Variants in DACT2 observed in about 807,000 individuals in gnomAD.
The protein encoded by DACT2 is dishevelled binding antagonist of beta catenin 2.
Under a neutral mutation model 22.2 loss-of-function variants are expected in DACT2, and 20 were observed. The observed-to-expected ratio is 0.90, with a 90% CI of 0.63 to 1.31. The LOEUF (loss-of-function observed/expected upper bound fraction) is 1.31, where lower values mean the gene tolerates loss of function less well. Ranked by LOEUF, DACT2 falls within the 50% of genes most tolerant of loss-of-function variation. The pLI, the probability that DACT2 is intolerant of heterozygous loss-of-function variation, is 0.00. For missense variants in DACT2, 1,048 were observed against 1,061.4 expected, an observed-to-expected ratio of 0.99 and a Z score of 0.18; for synonymous variants, 463 against 479.8, an observed-to-expected ratio of 0.96 and a Z score of 0.46.
At chr6:168,294,071 C>A in intron 5 of DACT2, 2 of 702,980 alleles carry the variant, frequency 2.8e-6, no homozygotes, top group Non-Finnish European at 5.2e-6. Context: ...TGAGCACAGA[C>A]CCGCGATGGC....
At chr6:168,294,217 A>G in intron 4 of DACT2, 1 of 702,942 alleles carries the variant, frequency 1.4e-6, no homozygotes. Context: ...AGAGAAGGCA[A>G]TGCCATCCTG....
chr6:168,307,066 G>T lies in DACT2; in HGVS notation c.*366C>A. The T allele has an allele frequency of 9.6e-7, 1 of 1,047,066 alleles. No homozygotes were observed. Among genetic ancestry groups the T allele is most frequent in the Non-Finnish European group, 1.2e-6 (1 of 869,020 alleles). The allele number at this position is 1,047,066 out of a possible 1,614,324, so 64.9% of individuals were successfully genotyped here. Reference sequence around the variant, plus strand: ...ATGCTTTTGGGGAGGAATGGTCAAAGGATTGGGAAACACTTCCCCAGCCAG... The same window carrying T: ...ATGCTTTTGGGGAGGAATGGTCAAATGATTGGGAAACACTTCCCCAGCCAG... On this transcript the variant is annotated 3_prime_UTR_variant, in exon 4 of 4. Coordinates refer to ENST00000366795, the MANE Select transcript of DACT2 (RefSeq NM_214462.5). The surrounding 1 kb of genome is among the most constrained non-coding windows in gnomAD (Gnocchi z 5.3).
chr6:168,311,597 TAC>T lies in DACT2; in HGVS notation c.247-315_247-314del, dbSNP rs764745810. On this transcript the variant is annotated intron_variant, in intron 1 of 3. Coordinates refer to ENST00000366795, the MANE Select transcript of DACT2 (RefSeq NM_214462.5). Reference sequence around the variant, plus strand: ...ACACACACCCATCCACACACACACATACACACACACTCACACAAACACACACA... The same window carrying T: ...ACACACACCCATCCACACACACACATACACACACTCACACAAACACACACA... Among the ~76,000 whole-genome samples, 45 of 100,556 alleles carry T rather than the reference TAC, an allele frequency of 4.5e-4. 2 individuals are homozygous for T. In the South Asian group the frequency reaches 8.9e-3, roughly 20 times the overall value. 66.0% of individuals were successfully genotyped at this position (100,556 alleles called of 152,430 possible).
intron 4 of DACT2, chr6:168,294,602 T>TATATATATATATATATATATACAC (rs768380927): frequency 1.2e-6 from 1 of 811,920 alleles, no homozygotes; most frequent in African/African-American, 2.6e-5. Flanking sequence ...TATATATATA[T>TATATATATATATATATATATACAC]ACACATATAA....
intron 3 of DACT2, among the ~76,000 whole-genome samples, chr6:168,309,412 C>CGTTTGCGTGTAGACACAGGGTGCGGGGCA: frequency 6.6e-6 from 1 of 151,428 alleles, no homozygotes; most frequent in African/African-American, 2.4e-5. Context: ...CGCACAGGGC[C>CGTTTGCGTGTAGACACAGGGTGCGGGGCA]GTTTGCGTGT....
In DACT2 at chr6:168,310,364, C is replaced by G; in HGVS notation, c.462G>C (p.Ser154=). The G allele has an allele frequency of 6.4e-7, 1 of 1,551,598 alleles. No individual in the cohort carries two copies. The highest frequency in any genetic ancestry group is 8.7e-7 in the Non-Finnish European group (1 of 1,146,956). The change falls in exon 3 of 4, where the codon TCG becomes TCC. Residue 154 remains serine (S), a synonymous_variant. Coordinates refer to ENST00000366795, the MANE Select transcript of DACT2 (RefSeq NM_214462.5). ...GGGCCACAGGCAACAAACTGCCCAG[C>G]GAGGGAGAGATGTGGTCACTGCAGA... ...ASVCSDHISP[S]LGSLLPVAQA...
intron 3 of DACT2, chr6:168,299,150 G>A (rs1779059167): frequency 6.6e-6 from 1 of 152,072 alleles, no homozygotes; most frequent in African/African-American, 2.4e-5. Context: ...ATTATATGTG[G>A]AAAATTATAT....
At position 168,312,353 on chromosome 6, in the gene DACT2, C is replaced by T. The variant is rs753787564; in HGVS notation, c.247-1069G>A. 9.1e-4 allele frequency among the ~76,000 whole-genome samples: 138 copies of T among 152,134 alleles called. 1 individual carries two copies. Among genetic ancestry groups the T allele is most frequent in the Non-Finnish European group, 3.2e-4 (22 of 68,004 alleles). On this transcript the variant is annotated intron_variant, in intron 1 of 3. Transcript: ENST00000366795. ...CCGGGACTGCAGGCATGCACCATCA[C>T]GCCCTGCTAATTTTTGTATTTTTTG...
Position 168,310,196 on chromosome 6 carries a change from G to GC in DACT2, c.629dup (p.Thr211HisfsTer11), listed in dbSNP as rs1297916154. ...TAGACACAGGCCTGGGCCAGAATGT[G>GC]CCCCACGGCTGGCCTGCATCCTCCA... On this transcript the variant is annotated frameshift_variant, in exon 3 of 4. Coordinates refer to ENST00000366795, the MANE Select transcript of DACT2 (RefSeq NM_214462.5). LOFTEE classifies it low-confidence loss of function (END_TRUNC). The GC allele has an allele frequency of 6.4e-7, 1 of 1,550,572 alleles. No homozygotes were observed. The highest frequency in any genetic ancestry group is 8.7e-7 in the Non-Finnish European group (1 of 1,146,932).
At chr6:168,301,547 C>T (rs992802042) in intron 3 of DACT2, among the ~76,000 whole-genome samples, 18 of 152,196 alleles carry the variant, frequency 1.2e-4, no homozygotes, top group African/African-American at 3.1e-4. Context: ...CTCCGGAGGG[C>T]CAAGACTTGA....
chr6:168,305,832 T>C (rs1468867705), downstream of DACT2, among the ~76,000 whole-genome samples: 2 of 152,232 alleles, frequency 1.3e-5, no homozygotes, highest in East Asian at 3.8e-4. Context: ...TAAATTTCAA[T>C]GCAGGTGTTT....
intron 3 of DACT2, 26 bp downstream of exon 3, chr6:168,310,142 C>T (rs751992677): frequency 4.5e-6 from 7 of 1,546,516 alleles, no homozygotes; most frequent in South Asian, 3.6e-5. Flanking sequence ...GAGATGAGAC[C>T]CCCACCTTCC....
chr6:168,310,702 C>T (rs1347132028), intron 2 of DACT2, among the ~76,000 whole-genome samples: 2 of 152,238 alleles, frequency 1.3e-5, no homozygotes, highest in African/African-American at 4.8e-5. Context: ...CTGGCCCTCC[C>T]TCTTCCTGGC....
At chr6:168,306,407 G>A (rs61053230), downstream of DACT2, among the ~76,000 whole-genome samples, 8 of 144,212 alleles carry the variant, frequency 5.5e-5, no homozygotes, top group African/African-American at 8.2e-5. Flanking sequence ...CAAAAAAAAA[G>A]TTTTTTTTTT....
chr6:168,304,610 T>C (rs76491183), downstream of DACT2, among the ~76,000 whole-genome samples: 2,964 of 152,320 alleles, frequency 0.019, 33 homozygotes, highest in Middle Eastern at 0.041. Context: ...CTGCACACTA[T>C]AGGGAGGCCA....
At chr6:168,314,036 C>G (rs975885481) in intron 1 of DACT2, among the ~76,000 whole-genome samples, 2 of 151,932 alleles carry the variant, frequency 1.3e-5, no homozygotes, top group South Asian at 4.2e-4. Context: ...GACCGCTGTC[C>G]CGAACTTGGG....
intron 1 of DACT2, among the ~76,000 whole-genome samples, chr6:168,311,681 C>T (rs919281640): frequency 6.6e-6 from 1 of 150,922 alleles, no homozygotes; most frequent in African/African-American, 2.5e-5. Flanking sequence ...TACACACACA[C>T]TCACACACAC....
chr6:168,318,253 A>G (rs1301024670), intron 1 of DACT2, among the ~76,000 whole-genome samples: 1 of 152,276 alleles, frequency 6.6e-6, no homozygotes, highest in East Asian at 1.9e-4. Context: ...CTTTCCTCTC[A>G]GGAGGCATCA....
intron 3 of DACT2, among the ~76,000 whole-genome samples, chr6:168,296,372 G>A (rs1027682255): frequency 5.0e-4 from 68 of 136,360 alleles, no homozygotes; most frequent in African/African-American, 6.8e-4. Context: ...GGGAAACAGC[G>A]GATCCATCCA....
Sources: gnomAD v4.1 joint callset for allele counts (sites outside exome capture counted in the v4.1 genomes callset) on GRCh38, gnomAD v4.1.1 for gene constraint, Gnocchi (gnomAD v3.1) non-coding constraint, MANE v1.5 for transcripts, NCBI Gene and HGNC (gene_info 2026-07-23, HGNC 2026-07-21) for gene names.